The following SCN3A variants were observed in gnomAD, a reference collection of about 807,000 sequenced individuals.
The protein encoded by SCN3A is sodium voltage-gated channel alpha subunit 3.
A neutral mutation model predicts 187.6 loss-of-function variants in SCN3A; 60 were observed. The observed-to-expected ratio is 0.32, with a 90% CI of 0.26 to 0.40. The LOEUF is 0.40. SCN3A is among the 10% of genes least tolerant of loss of function. SCN3A has a pLI of 1.00. For synonymous variants in SCN3A, 788 were observed against 829.2 expected, an observed-to-expected ratio of 0.95 and a Z score of 0.85; for missense variants, 1,601 against 2,428.2, an observed-to-expected ratio of 0.66 and a Z score of 7.16.
chr2:165,095,528 T>C lies in SCN3A; in HGVS notation c.4414A>G (p.Asn1472Asp). ...ATACTTATCTTCTTTTTCTGCTGGT[T>C]GAAGTTATCTATGATGACACCAATG... ...LFIGVIIDNFNQQKKKFGGQD... is the reference protein window; with the variant it reads ...LFIGVIIDNFDQQKKKFGGQD... Residue 1472 changes from asparagine (N) to aspartate (D), a missense_variant, in exon 25 of 28, where the codon AAC becomes GAC. This residue lies in a region of SCN3A where 320 missense variants were observed against 623.2 expected (regional missense o/e 0.51). Transcript: ENST00000283254. 6.2e-7 allele frequency: 1 copy of C among 1,612,878 alleles called. No homozygotes were observed. Among genetic ancestry groups the C allele is most frequent in the Non-Finnish European group, 8.5e-7 (1 of 1,179,040 alleles).
intron 21 of SCN3A, among the ~76,000 whole-genome samples, chr2:165,109,560 C>T (rs769041815): frequency 6.6e-6 from 1 of 152,108 alleles, no homozygotes; most frequent in Non-Finnish European, 1.5e-5. Flanking sequence ...TTTGTTGAAT[C>T]CTCTCTTTTC....
intron 21 of SCN3A, among the ~76,000 whole-genome samples, chr2:165,105,706 A>G (rs1182005848): frequency 1.3e-5 from 2 of 152,060 alleles, no homozygotes; most frequent in Admixed American, 6.5e-5. Context: ...TCAGTCAGAA[A>G]TGGAAGTCCA....
chr2:165,167,835 A>G (rs1244636831), intron 5 of SCN3A, among the ~76,000 whole-genome samples: 1 of 152,142 alleles, frequency 6.6e-6, no homozygotes. Flanking sequence ...CTAATACACA[A>G]CATCCACAGA....
intron 18 of SCN3A, among the ~76,000 whole-genome samples, chr2:165,119,087 G>A (rs1461011372): frequency 6.6e-6 from 1 of 152,024 alleles, no homozygotes; most frequent in East Asian, 1.9e-4. Context: ...TAAATTTTTT[G>A]TAGAGATAGG....
chr2:165,102,709 G>A (rs560982339), intron 21 of SCN3A, among the ~76,000 whole-genome samples: 2 of 152,230 alleles, frequency 1.3e-5, no homozygotes, highest in African/African-American at 2.4e-5. Context: ...TGGCCCAGAG[G>A]ACATAGTGCC....
At chr2:165,147,898 G>GA (rs916738271) in intron 11 of SCN3A, among the ~76,000 whole-genome samples, 7 of 152,122 alleles carry the variant, frequency 4.6e-5, no homozygotes, top group African/African-American at 1.7e-4. Flanking sequence ...CAGAGGATAT[G>GA]AAACAATATG....
At position 165,089,910 on chromosome 2, in the gene SCN3A, T is replaced by C. The variant is rs999118875; in HGVS notation, c.*240A>G. On this transcript the variant is annotated 3_prime_UTR_variant, in exon 28 of 28. Coordinates refer to ENST00000283254, the MANE Select transcript of SCN3A (RefSeq NM_006922.4). ...CCCTATAGTCTAGGTAGCCATTGGG[T>C]TTCTCCTCAGCAGTGTCAGCTGGTA... 1 of 539,144 alleles carries C rather than the reference T, an allele frequency of 1.9e-6. No individual in the cohort carries two copies. Among genetic ancestry groups the C allele is most frequent in the African/African-American group, 1.9e-5 (1 of 52,576 alleles). 33.4% of individuals were successfully genotyped at this position (539,144 alleles called of 1,614,324 possible).
chr2:165,130,080 C>T lies in SCN3A; in HGVS notation c.2782G>A (p.Asp928Asn). 1 of 1,614,090 alleles carries T rather than the reference C, an allele frequency of 6.2e-7. No homozygotes were observed. Residue 928 changes from aspartate (D) to asparagine (N), a missense_variant, in exon 17 of 28, where the codon GAC becomes AAC. Around this residue, in one of 11 missense-constraint regions of SCN3A, gnomAD observed 91 missense variants for 207.0 expected, o/e 0.44. Transcript: ENST00000283254. ...ACAATCAGGAAGGAGTGGAAGAAGT[C>T]GTTCATGTGCCACCGTGGGAGCGTA... ...DCTLPRWHMN[D>N]FFHSFLIVFR...
chr2:165,142,623 G>A (rs1029798957), intron 12 of SCN3A, among the ~76,000 whole-genome samples: 1 of 152,148 alleles, frequency 6.6e-6, no homozygotes, highest in African/African-American at 2.4e-5. Context: ...ATCATGTGAA[G>A]ACATCAATTC....
Position 165,092,892 on chromosome 2 carries a change from A to G in SCN3A, c.4537-368T>C, listed in dbSNP as rs996206712. The G allele has an allele frequency of 8.0e-6, 1 of 125,010 alleles. No homozygotes were observed. Among genetic ancestry groups the G allele is most frequent in the African/African-American group, 7.9e-5 (1 of 12,658 alleles). 7.7% of individuals were successfully genotyped at this position (125,010 alleles called of 1,614,324 possible). A position where few individuals can be genotyped will look rare whatever the true frequency, so the allele number is the denominator to read the frequency against. On this transcript the variant is annotated intron_variant, in intron 26 of 27. Coordinates refer to ENST00000283254, the MANE Select transcript of SCN3A (RefSeq NM_006922.4). The surrounding 1 kb of genome is among the most constrained non-coding windows in gnomAD (Gnocchi z 4.2). ...GGCAACATAGTGAGACCTCATTTCT[A>G]TTAAAAAAAAATTAGCCTGGTATGG...
intron 9 of SCN3A, among the ~76,000 whole-genome samples, chr2:165,161,137 C>A: frequency 1.1e-5 from 1 of 93,398 alleles, no homozygotes; most frequent in Non-Finnish European, 2.2e-5. Context: ...TTCTTTCTTT[C>A]TTTTTTTTTT....
chr2:165,122,058 CATG>C (rs533266981), intron 18 of SCN3A, among the ~76,000 whole-genome samples: 7 of 152,004 alleles, frequency 4.6e-5, no homozygotes, highest in Non-Finnish European at 1.0e-4. Context: ...TCCCATATAT[CATG>C]ATGTTTCCTT....
chr2:165,191,059 T>G (rs1691573160), intron 1 of SCN3A, among the ~76,000 whole-genome samples: 2 of 137,760 alleles, frequency 1.5e-5, no homozygotes, highest in Non-Finnish European at 3.3e-5. Context: ...GATTTTACGT[T>G]GTTTTTTTTT....
chr2:165,130,159 C>A lies in SCN3A; in HGVS notation c.2703G>T (p.Met901Ile). Residue 901 changes from methionine to isoleucine, a missense_variant, in exon 17 of 28, where the codon ATG (methionine) becomes ATT (isoleucine). Physicochemically the swap from Met to Ile is conservative, Grantham distance 10. Transcript: ENST00000283254. ...CTTTGTAGCTCTTACCAAAGAGCTG[C>A]ATGCCGACCACAGCAAAAATGAAGA... ...IIVFIFAVVG[M>I]QLFGKSYKEC... The A allele has an allele frequency of 6.2e-7, 1 of 1,614,148 alleles. No homozygotes were observed. The highest frequency in any genetic ancestry group is 1.6e-4 in the Middle Eastern group (1 of 6,062).
At chr2:165,150,554 G>T (rs1218210448) in intron 11 of SCN3A, among the ~76,000 whole-genome samples, 1 of 152,128 alleles carries the variant, frequency 6.6e-6, no homozygotes, top group Non-Finnish European at 1.5e-5. Flanking sequence ...AGCTAAAGCT[G>T]AATCAAATTG....
At position 165,154,630 on chromosome 2, in the gene SCN3A, A is replaced by G. The variant is rs1688904983; in HGVS notation, c.1202T>C (p.Met401Thr). Residue 401 changes from methionine to threonine, a missense_variant, in exon 11 of 28, where the codon ATG (methionine) becomes ACG (threonine). Transcript: ENST00000283254. Reference protein sequence around the residue: ...LTLRAAGKTYMIFFVLVIFLG... With the variant: ...LTLRAAGKTYTIFFVLVIFLG... ...GAAAATGACCAGGACAAAAAATATC[A>G]TGTATGTTTTCCCAGCAGCACGTAA... The G allele has an allele frequency of 6.2e-7, 1 of 1,614,094 alleles. No homozygotes were observed. Among genetic ancestry groups the G allele is most frequent in the Non-Finnish European group, 8.5e-7 (1 of 1,179,962 alleles).
chr2:165,095,475 C>A (rs757158311), intron 25 of SCN3A, 36 bp downstream of exon 25: 88 of 1,602,900 alleles, frequency 5.5e-5, no homozygotes, highest in Non-Finnish European at 7.3e-5. Context: ...GACAGAACCC[C>A]AGAATGAAGA....
chr2:165,157,222 C>T (rs1276091340), intron 9 of SCN3A, among the ~76,000 whole-genome samples: 1 of 152,088 alleles, frequency 6.6e-6, no homozygotes, highest in East Asian at 1.9e-4. Context: ...CAGTTTTTTT[C>T]TTAATGTCCT....
chr2:165,132,243 C>T (rs1687375856), intron 15 of SCN3A, among the ~76,000 whole-genome samples: 1 of 152,148 alleles, frequency 6.6e-6, no homozygotes, highest in Non-Finnish European at 1.5e-5. Flanking sequence ...CCCCATCAAG[C>T]TACCAATGAC....
Sources: gnomAD v4.1 joint callset for allele counts (sites outside exome capture counted in the v4.1 genomes callset) on GRCh38, gnomAD v4.1.1 for gene constraint, gnomAD v4.1.1 regional missense constraint, Gnocchi (gnomAD v3.1) non-coding constraint, MANE v1.5 for transcripts, NCBI Gene and HGNC (gene_info 2026-07-23, HGNC 2026-07-21) for gene names.